The following WNK1 variants were observed in gnomAD, a reference collection of about 807,000 sequenced individuals.
WNK1 encodes the protein serine/threonine-protein kinase WNK1.
WNK1 carries 38 observed loss-of-function variants against 222.8 expected under a neutral mutation model. The observed-to-expected ratio is 0.17, with a 90% confidence interval of 0.13 to 0.22. The LOEUF (loss-of-function observed/expected upper bound fraction) is 0.22, where lower values mean the gene tolerates loss of function less well. Among genes scored for constraint, WNK1 ranks in the 10% least tolerant of loss-of-function variants. The pLI, the probability that WNK1 is intolerant of heterozygous loss-of-function variation, is 1.00. For synonymous variants in WNK1, 1,090 were observed against 1,092.9 expected (o/e 1.00, Z 0.05); for missense variants, 2,348 against 2,918.4 (o/e 0.80, Z 4.50).
At chr12:830,593 C>G (rs889587901) in intron 4 of WNK1, among the ~76,000 whole-genome samples, 5 of 152,116 alleles carry the variant, frequency 3.3e-5, no homozygotes, top group African/African-American at 1.2e-4. Flanking sequence ...ATATTAGTAC[C>G]TACCATATTT....
rs894726586 is a variant in WNK1, at chr12:827,841, A to T, written c.1153+579A>T. 6.6e-6 allele frequency among the ~76,000 whole-genome samples: 1 copy of T among 152,106 alleles called. No homozygotes were observed. The highest frequency in any genetic ancestry group is 1.5e-5 in the Non-Finnish European group (1 of 68,030). The stretch of plus-strand genomic sequence containing the variant: ...ACCCCGCCCAGCCAGCCATCTTTTC[A>T]TTACACACTGTTGATACTTAACATT... On this transcript the variant is annotated intron_variant, in intron 3 of 27. Coordinates refer to ENST00000315939, the MANE Select transcript of WNK1 (RefSeq NM_018979.4). The surrounding 1 kb of genome is among the most constrained non-coding windows in gnomAD (Gnocchi z 4.6).
chr12:900,661 C>A lies in WNK1; in HGVS notation c.6634C>A (p.Pro2212Thr), dbSNP rs145690082. 13 of 1,614,074 alleles carry A rather than the reference C, an allele frequency of 8.1e-6. No homozygotes were observed. In the African/African-American group the frequency reaches 1.7e-4, roughly 22 times the overall value. ...GAISVPSLSA[P>T]GQGTSSTNTV... Reference sequence around the variant, plus strand: ...CATTTCAGTACCAAGCCTTTCTGCTCCAGGTCAAGGTAATAAAGCAACCAT... The same window carrying A: ...CATTTCAGTACCAAGCCTTTCTGCTACAGGTCAAGGTAATAAAGCAACCAT... Residue 2212 changes from proline to threonine, a missense_variant, in exon 26 of 28, where the codon CCA (proline) becomes ACA (threonine). Transcript: ENST00000315939.
chr12:900,740 G>C (rs138947486), intron 26 of WNK1, 70 bp downstream of exon 26: 10 of 1,588,546 alleles, frequency 6.3e-6, no homozygotes, highest in Non-Finnish European at 8.6e-6. Flanking sequence ...ACAAAAGCCT[G>C]TTAAGGCGGG....
In WNK1 at chr12:910,206, CTG is replaced by C. The variant is rs1157487846; in HGVS notation, c.*1416_*1417del. The C allele has an allele frequency of 6.6e-6, 1 of 152,168 alleles. No homozygotes were observed. Among genetic ancestry groups the C allele is most frequent in the Non-Finnish European group, 1.5e-5 (1 of 68,034 alleles). 9.4% of individuals were successfully genotyped at this position (152,168 alleles called of 1,614,324 possible). A position where few individuals can be genotyped will look rare whatever the true frequency, so the allele number is the denominator to read the frequency against. On this transcript the variant is annotated 3_prime_UTR_variant, in exon 28 of 28. Coordinates refer to ENST00000315939, the MANE Select transcript of WNK1 (RefSeq NM_018979.4). ...ATGGAGAAAATTGCTCTCAGAAAAA[CTG>C]TTTGGATTGCTTTCCTCTTGTTGCA...
intron 1 of WNK1, among the ~76,000 whole-genome samples, chr12:759,076 T>C (rs527827071): frequency 6.8e-6 from 1 of 147,108 alleles, no homozygotes; most frequent in South Asian, 2.2e-4. Context: ...TATGGAAACA[T>C]TCAACTAAAA....
Position 783,827 on chromosome 12 carries a change from C to T in WNK1, c.759+29503C>T, listed in dbSNP as rs7963187. On this transcript the variant is annotated intron_variant, in intron 1 of 27. Coordinates refer to ENST00000315939, the MANE Select transcript of WNK1 (RefSeq NM_018979.4). ...GGCATGTGCCTGTAGTCCCAGCTAC[C>T]TGGGAGGCTGAGGTGGGAGGATTGC... Among the ~76,000 whole-genome samples, 66 of 11,518 alleles carry T rather than the reference C, an allele frequency of 5.7e-3. 2 individuals are homozygous for T. Among genetic ancestry groups the T allele is most frequent in the East Asian group, 0.016 (3 of 182 alleles). 7.6% of individuals were successfully genotyped at this position (11,518 alleles called of 152,430 possible).
At chr12:848,123 A>G (rs1393945920) in intron 4 of WNK1, among the ~76,000 whole-genome samples, 2 of 152,114 alleles carry the variant, frequency 1.3e-5, no homozygotes, top group African/African-American at 4.8e-5. Flanking sequence ...GATTAATTCT[A>G]ACTTTGACAT....
At position 908,842 on chromosome 12, in the gene WNK1, A is replaced by T; in HGVS notation, c.*50A>T. The T allele has an allele frequency of 9.2e-6, 2 of 217,900 alleles. No homozygotes were observed. Among genetic ancestry groups the T allele is most frequent in the Non-Finnish European group, 1.8e-5 (2 of 109,232 alleles). The allele number at this position is 217,900 out of a possible 1,614,324, so 13.5% of individuals were successfully genotyped here. On this transcript the variant is annotated 3_prime_UTR_variant, in exon 28 of 28. Transcript: ENST00000315939. ...TCTGGGGGCAGGAGATGGAATGCTG[A>T]GGGGGTGGGTGGGGGTGGGAAGTAG...
Position 880,031 on chromosome 12 carries a change from G to A in WNK1, c.2832G>A (p.Gln944=), listed in dbSNP as rs765551821. 6.2e-7 allele frequency: 1 copy of A among 1,613,954 alleles called. No homozygotes were observed. The highest frequency in any genetic ancestry group is 1.1e-5 in the South Asian group (1 of 91,062). ...VPLSSGDVLY[Q]GFPPRLPPQY... is the part of the protein sequence containing the mutation. ...TTTCCTCTGGAGATGTTCTGTACCA[G>A]GTATTGTGTTAGTTAGCAAAAGAGG... is the stretch of plus-strand genomic sequence containing the variant. Residue 944 remains glutamine, a splice_region_variant and synonymous_variant, in exon 11 of 28, where the codon CAG becomes CAA. Transcript: ENST00000315939.
chr12:896,327 A>G lies in WNK1; in HGVS notation c.5840A>G (p.Gln1947Arg). 1 of 1,614,212 alleles carries G rather than the reference A, an allele frequency of 6.2e-7. No homozygotes were observed. The highest frequency in any genetic ancestry group is 8.5e-7 in the Non-Finnish European group (1 of 1,180,028). The change falls in exon 24 of 28, where the codon CAG (glutamine) becomes CGG (arginine). Residue 1947 changes from glutamine to arginine, a missense_variant. Around this residue, in one of 13 missense-constraint regions of WNK1, gnomAD observed 1,144 missense variants for 1,273.6 expected, o/e 0.90. Transcript: ENST00000315939. ...CAGCCTACCAAGGTTGGACGTTTTC[A>G]GGTGACAACTACAGCAAACAAAGTG... is the stretch of plus-strand genomic sequence containing the variant. ...TGQPTKVGRF[Q>R]VTTTANKVGR... is the part of the protein sequence containing the mutation.
chr12:883,595 CTT>C lies in WNK1; in HGVS notation c.3663+29_3663+30del, dbSNP rs1224003120. The C allele has an allele frequency of 2.5e-6, 4 of 1,613,794 alleles. No individual in the cohort carries two copies. The Admixed American group carries it at 6.7e-5, about 27-fold the overall frequency. On this transcript the variant is annotated intron_variant, in intron 16 of 27. Transcript: ENST00000315939. ...TAGGTTCACCACTCCCATAGTGAAA[CTT>C]TGTTGATTTAAAATATTTTCATAGT... is the stretch of plus-strand genomic sequence containing the variant.
chr12:784,713 A>G (rs1219536031), intron 1 of WNK1, among the ~76,000 whole-genome samples: 1 of 152,122 alleles, frequency 6.6e-6, no homozygotes, highest in African/African-American at 2.4e-5. Flanking sequence ...TCTTTTTTGG[A>G]GATAACCTCT....
rs1397525381 is a variant in WNK1 at position 861,116 on chromosome 12, T to C, written c.1724T>C (p.Val575Ala). The change falls in exon 7 of 28, where the codon GTA (valine) becomes GCA (alanine). Residue 575 changes from valine (V) to alanine (A), a missense_variant. Val to Ala is a moderately conservative substitution (Grantham distance 64). This residue lies in a region of WNK1 where 103 missense variants were observed against 111.5 expected (regional missense o/e 0.92). Transcript: ENST00000315939. ...AGGAAACGAGAGCAGCGGCAGTTGG[T>C]ACGGGAGGAGCAAGAAAAAAAAAAG... The part of the protein sequence containing the change: ...IKRKREQRQL[V>A]REEQEKKKQE... 2 of 1,613,458 alleles carry C rather than the reference T, an allele frequency of 1.2e-6. No homozygotes were observed. Among genetic ancestry groups the C allele is most frequent in the Non-Finnish European group, 1.7e-6 (2 of 1,179,884 alleles).
chr12:814,004 C>T (rs779778237), intron 2 of WNK1, among the ~76,000 whole-genome samples, 190 bp downstream of exon 2: 7 of 152,102 alleles, frequency 4.6e-5, no homozygotes, highest in Non-Finnish European at 8.8e-5. Flanking sequence ...ATAATTATTT[C>T]TTGGTAAGTA....
intron 8 of WNK1, among the ~76,000 whole-genome samples, chr12:867,125 AAAAG>A (rs1951741686): frequency 6.6e-6 from 1 of 152,224 alleles, no homozygotes; most frequent in South Asian, 2.1e-4. Flanking sequence ...CATCTCAAAA[AAAAG>A]AAAAAAGAAA....
rs115791425 is a variant in WNK1 at position 774,006 on chromosome 12, A to G, written c.759+19682A>G. Among the ~76,000 whole-genome samples, 312 of 152,174 alleles carry G rather than the reference A, an allele frequency of 2.1e-3. 1 individual carries two copies. The highest frequency in any genetic ancestry group is 6.9e-3 in the African/African-American group (287 of 41,510). On this transcript the variant is annotated intron_variant, in intron 1 of 27. Coordinates refer to ENST00000315939, the MANE Select transcript of WNK1 (RefSeq NM_018979.4). ...TTAATCTGTGTTGTATCCTTACCTA[A>G]TTGAGATGGCCATTATTTCCCTGCA...
At chr12:844,140 A>G (rs888120922) in intron 4 of WNK1, among the ~76,000 whole-genome samples, 2 of 149,280 alleles carry the variant, frequency 1.3e-5, no homozygotes, top group Non-Finnish European at 3.0e-5. Flanking sequence ...ATTTTATTTT[A>G]TTTTTTTTTG....
In WNK1 at chr12:885,105, C is replaced by G; in HGVS notation, c.4301C>G (p.Pro1434Arg). Reference sequence around the variant, plus strand: ...ACTACATCCCCGTCACTTCAAGTCCCCACATCCACATCTGAGATCGTTGTT... The same window carrying G: ...ACTACATCCCCGTCACTTCAAGTCCGCACATCCACATCTGAGATCGTTGTT... ...ISTTSPSLQV[P>R]TSTSEIVVSS... The change falls in exon 19 of 28, where the codon CCC becomes CGC. Residue 1434 changes from proline (P) to arginine (R), a missense_variant. By Grantham distance (103) the Pro-to-Arg change is moderately radical. Coordinates refer to ENST00000315939, the MANE Select transcript of WNK1 (RefSeq NM_018979.4). The G allele has an allele frequency of 1.2e-6, 2 of 1,614,204 alleles. No homozygotes were observed. Among genetic ancestry groups the G allele is most frequent in the Non-Finnish European group, 1.7e-6 (2 of 1,180,032 alleles).
intron 1 of WNK1, among the ~76,000 whole-genome samples, chr12:756,020 C>T (rs1939974657): frequency 6.6e-6 from 1 of 152,144 alleles, no homozygotes. Flanking sequence ...TGTCCGATTC[C>T]TTTTGGTTTA....
Sources: allele counts gnomAD v4.1 joint callset (sites outside exome capture counted in the v4.1 genomes callset), GRCh38; gene constraint gnomAD v4.1.1; regional missense constraint gnomAD v4.1.1; non-coding constraint Gnocchi (gnomAD v3.1); transcripts MANE v1.5; gene names NCBI Gene and HGNC (gene_info 2026-07-23, HGNC 2026-07-21).